Variants in NALF1 observed in about 807,000 individuals in gnomAD.
NALF1 encodes NALCN channel auxiliary factor 1.
Under a neutral mutation model 48.4 loss-of-function variants are expected in NALF1, and 3 were observed. The observed-to-expected ratio is 0.06, with a 90% CI of 0.03 to 0.16. The LOEUF is 0.16. Among genes scored for constraint, NALF1 ranks in the 10% least tolerant of loss-of-function variants. The pLI, the probability that NALF1 is intolerant of heterozygous loss-of-function variation, is 1.00. For missense variants in NALF1, 526 were observed against 571.5 expected, an observed-to-expected ratio of 0.92 and a Z score of 0.81; for synonymous variants, 262 against 245.7, an observed-to-expected ratio of 1.07 and a Z score of -0.62.
intron 1 of NALF1, among the ~76,000 whole-genome samples, chr13:107,750,411 G>C (rs963596451): frequency 1.3e-5 from 2 of 152,092 alleles, no homozygotes; most frequent in Non-Finnish European, 2.9e-5. Context: ...CAACTGAGCT[G>C]CATAACCATT....
At position 107,686,375 on chromosome 13, in the gene NALF1, TTTATTTA is replaced by T. The variant is rs1427344172; in HGVS notation, c.915+179300_915+179306del. ...TTTTAGAAAATAGGTCACATTATTATTTATTTATTATTATTATTATTATTATTGTTAT... is the reference window on the plus strand; with the variant it reads ...TTTTAGAAAATAGGTCACATTATTATTTATTATTATTATTATTATTGTTAT... On this transcript the variant is annotated intron_variant, in intron 1 of 2. Coordinates refer to ENST00000375915, the MANE Select transcript of NALF1 (RefSeq NM_001080396.3). 3.6e-5 allele frequency among the ~76,000 whole-genome samples: 3 copies of T among 83,738 alleles called. No individual in the cohort carries two copies. In the East Asian group the frequency reaches 1.1e-3, roughly 31 times the overall value. 54.9% of individuals were successfully genotyped at this position (83,738 alleles called of 152,430 possible).
At chr13:107,440,152 G>T (rs1884532684) in intron 1 of NALF1, among the ~76,000 whole-genome samples, 2 of 152,270 alleles carry the variant, frequency 1.3e-5, no homozygotes. Flanking sequence ...GGGGCTTGTG[G>T]TATACATTTT....
chr13:107,841,000 T>A (rs1415824103), intron 1 of NALF1, among the ~76,000 whole-genome samples: 3 of 152,138 alleles, frequency 2.0e-5, no homozygotes, highest in Non-Finnish European at 4.4e-5. Context: ...GGAAAATAAA[T>A]CATTTTAAAC....
chr13:107,222,140 G>T (rs2138816329), intron 1 of NALF1, among the ~76,000 whole-genome samples: 2 of 152,228 alleles, frequency 1.3e-5, no homozygotes, highest in South Asian at 4.1e-4. Flanking sequence ...AATTAGGAAG[G>T]AGCCAGAATT....
At chr13:107,787,144 T>C (rs1156592298) in intron 1 of NALF1, among the ~76,000 whole-genome samples, 2 of 152,338 alleles carry the variant, frequency 1.3e-5, no homozygotes, top group African/African-American at 2.4e-5. Context: ...TAAGATAATA[T>C]TAAACTATCA....
intron 1 of NALF1, among the ~76,000 whole-genome samples, chr13:107,612,988 T>G (rs1474691390): frequency 6.7e-6 from 1 of 149,630 alleles, no homozygotes; most frequent in African/African-American, 2.5e-5. Flanking sequence ...TTTTGGGTTT[T>G]TTTCCCACAA....
chr13:107,685,670 A>G (rs1028168629), intron 1 of NALF1, among the ~76,000 whole-genome samples: 2 of 152,218 alleles, frequency 1.3e-5, no homozygotes, highest in African/African-American at 4.8e-5. Flanking sequence ...CCAAAGTTGA[A>G]TTTTGTTTCA....
chr13:107,219,385 T>G (rs1879944663), intron 1 of NALF1, among the ~76,000 whole-genome samples: 1 of 152,202 alleles, frequency 6.6e-6, no homozygotes, highest in South Asian at 2.1e-4. Flanking sequence ...AACACTTCAA[T>G]ATAAATTCAA....
intron 1 of NALF1, among the ~76,000 whole-genome samples, chr13:107,749,538 T>C (rs763400667): frequency 1.3e-5 from 2 of 152,006 alleles, no homozygotes; most frequent in African/African-American, 2.4e-5. Flanking sequence ...CATTCTAGCA[T>C]ATAACCAACA....
chr13:107,284,706 G>A (rs1355173212), intron 1 of NALF1, among the ~76,000 whole-genome samples: 1 of 152,134 alleles, frequency 6.6e-6, no homozygotes, highest in Non-Finnish European at 1.5e-5. Context: ...GTGTCATAAA[G>A]AAGCAGTAGA....
At chr13:107,217,970 C>T (rs902620842) in intron 1 of NALF1, among the ~76,000 whole-genome samples, 2 of 152,190 alleles carry the variant, frequency 1.3e-5, no homozygotes, top group Admixed American at 6.5e-5. Flanking sequence ...CCCCATCCCA[C>T]AGCAACACCC....
chr13:107,174,359 A>T (rs369054263), intron 2 of NALF1, among the ~76,000 whole-genome samples: 12 of 141,394 alleles, frequency 8.5e-5, no homozygotes, highest in South Asian at 4.5e-4. Flanking sequence ...TTATTTATTT[A>T]TTTATTTTTT....
At chr13:107,643,445 A>G (rs1172806689) in intron 1 of NALF1, among the ~76,000 whole-genome samples, 3 of 151,676 alleles carry the variant, frequency 2.0e-5, no homozygotes, top group Non-Finnish European at 4.4e-5. Context: ...GGTTTCAAAG[A>G]TGTGTAAGTT....
rs369675012 is a variant in NALF1 at position 107,672,077 on chromosome 13, C to T, written c.915+193605G>A. The stretch of plus-strand genomic sequence containing the variant: ...TGAAAGCCCTAACATGTTCGGAGAA[C>T]GTGAGCTCTCTGTTTTCCTGGACAC... On this transcript the variant is annotated intron_variant, in intron 1 of 2. Transcript: ENST00000375915. 4.0e-4 allele frequency among the ~76,000 whole-genome samples: 61 copies of T among 152,168 alleles called. 1 individual carries two copies. In the East Asian group the frequency reaches 9.5e-3, roughly 24 times the overall value.
chr13:107,313,347 T>C (rs1157257756), intron 1 of NALF1, among the ~76,000 whole-genome samples: 1 of 151,644 alleles, frequency 6.6e-6, no homozygotes, highest in East Asian at 1.9e-4. Context: ...AATCACTACA[T>C]GAAAGGGAAA....
intron 1 of NALF1, among the ~76,000 whole-genome samples, chr13:107,761,312 G>C (rs1038506208): frequency 6.6e-6 from 1 of 151,268 alleles, no homozygotes; most frequent in Admixed American, 6.6e-5. Flanking sequence ...TGCTGAGATC[G>C]CGCCACTGCA....
chr13:107,217,225 A>T (rs1225003001), intron 1 of NALF1, among the ~76,000 whole-genome samples: 1 of 152,098 alleles, frequency 6.6e-6, no homozygotes, highest in Admixed American at 6.5e-5. Flanking sequence ...CCAGCTGGAA[A>T]ATCAGTTGTT....
intron 1 of NALF1, among the ~76,000 whole-genome samples, chr13:107,352,686 A>C (rs899956646): frequency 6.6e-6 from 1 of 152,160 alleles, no homozygotes; most frequent in African/African-American, 2.4e-5. Flanking sequence ...TTCTAATGCC[A>C]TTACTGGGGC....
At chr13:107,220,360 T>C (rs16969875) in intron 1 of NALF1, among the ~76,000 whole-genome samples, 5,014 of 152,314 alleles carry the variant, frequency 0.033, 127 homozygotes, top group East Asian at 0.084. Context: ...TGTCACGTGG[T>C]TCTTTAAACA....
Sources: allele counts gnomAD v4.1 joint callset (sites outside exome capture counted in the v4.1 genomes callset), GRCh38; gene constraint gnomAD v4.1.1; transcripts MANE v1.5; gene names NCBI Gene and HGNC (gene_info 2026-07-23, HGNC 2026-07-21).